The following NBEAL1 variants were observed in gnomAD, a reference collection of about 807,000 sequenced individuals.
NBEAL1 encodes neurobeachin-like protein 1.
In NBEAL1, 273 loss-of-function variants were observed where a neutral mutation model predicts 351.3. That is an observed-to-expected ratio of 0.78 (90% CI 0.70 to 0.86). The LOEUF (loss-of-function observed/expected upper bound fraction) is 0.86, where lower values mean the gene tolerates loss of function less well. Ranked by LOEUF, NBEAL1 falls within the 40% of genes least tolerant of loss-of-function variation. The pLI is 0.00. For synonymous variants in NBEAL1, 1,050 were observed against 1,086.4 expected (o/e 0.97, Z 0.66); for missense variants, 2,961 against 3,201.3 (o/e 0.92, Z 1.81).
At chr2:203,181,401 T>C (rs2064713707) in intron 43 of NBEAL1, 1 of 152,176 alleles carries the variant, frequency 6.6e-6, no homozygotes, top group Non-Finnish European at 1.5e-5. Flanking sequence ...GTAGGCAAAT[T>C]AAAATGACAG....
chr2:203,197,995 TTA>T (rs1282878431), intron 48 of NBEAL1, among the ~76,000 whole-genome samples: 2 of 149,984 alleles, frequency 1.3e-5, no homozygotes, highest in Admixed American at 6.6e-5. Flanking sequence ...ATTTCAATCC[TTA>T]TATATATATT....
intron 21 of NBEAL1, 28 bp from the exon 22 acceptor site, chr2:203,126,529 T>C: frequency 7.0e-7 from 1 of 1,420,248 alleles, no homozygotes; most frequent in Non-Finnish European, 9.2e-7. Context: ...AACTGAACTA[T>C]ATGAAACCCT....
intron 4 of NBEAL1, among the ~76,000 whole-genome samples, chr2:203,055,209 A>G (rs1305530823): frequency 6.6e-6 from 1 of 152,188 alleles, no homozygotes; most frequent in African/African-American, 2.4e-5. Context: ...TTAGTCCACT[A>G]TTATTGGAAG....
At chr2:203,125,584 T>C (rs1251986537) in intron 20 of NBEAL1, 64 bp downstream of exon 20, 1 of 1,315,064 alleles carries the variant, frequency 7.6e-7, no homozygotes, top group East Asian at 2.9e-5. Context: ...GAGAAATAAA[T>C]GAAAATGTTT....
chr2:203,057,456 A>G lies in NBEAL1; in HGVS notation c.515+3A>G. The G allele has an allele frequency of 1.3e-6, 2 of 1,545,634 alleles. No individual in the cohort carries two copies. The highest frequency in any genetic ancestry group is 1.7e-6 in the Non-Finnish European group (2 of 1,143,582). Reference sequence around the variant, plus strand: ...AATTGGAGACATAGAATTTCAGGGTATGTCTTATAAATAATAACGTTCATT... The same window carrying G: ...AATTGGAGACATAGAATTTCAGGGTGTGTCTTATAAATAATAACGTTCATT... On this transcript the variant is annotated splice_donor_region_variant and intron_variant, in intron 6 of 55. Coordinates refer to ENST00000683969, the MANE Select transcript of NBEAL1 (RefSeq NM_001378026.1).
intron 10 of NBEAL1, among the ~76,000 whole-genome samples, chr2:203,090,931 G>A (rs940430322): frequency 2.0e-5 from 3 of 151,828 alleles, no homozygotes; most frequent in African/African-American, 7.3e-5. Flanking sequence ...AAGGGAAAAG[G>A]AAAGGGAAAG....
chr2:203,120,705 A>T (rs1031621270), intron 18 of NBEAL1, among the ~76,000 whole-genome samples: 3 of 152,166 alleles, frequency 2.0e-5, no homozygotes, highest in African/African-American at 7.2e-5. Flanking sequence ...ATATTATCGG[A>T]TTCGCATTTT....
At chr2:203,037,722 A>C (rs1418319493) in intron 2 of NBEAL1, among the ~76,000 whole-genome samples, 1 of 148,872 alleles carries the variant, frequency 6.7e-6, no homozygotes, top group East Asian at 1.9e-4. Flanking sequence ...TAATCCCAGC[A>C]CTTTGGGAGG....
At chr2:203,025,962 T>A (rs2060849706) in intron 2 of NBEAL1, among the ~76,000 whole-genome samples, 1 of 152,146 alleles carries the variant, frequency 6.6e-6, no homozygotes, top group South Asian at 2.1e-4. Flanking sequence ...ACTGAGCAGC[T>A]CTCTCAGCAG....
chr2:203,197,627 G>T (rs1184410192), intron 48 of NBEAL1, among the ~76,000 whole-genome samples: 1 of 152,114 alleles, frequency 6.6e-6, no homozygotes, highest in Admixed American at 6.6e-5. Flanking sequence ...ATAAAAATAG[G>T]CTGGGCACAG....
intron 42 of NBEAL1, among the ~76,000 whole-genome samples, chr2:203,176,766 C>A (rs1234341829): frequency 2.0e-5 from 3 of 150,190 alleles, no homozygotes; most frequent in African/African-American, 7.3e-5. Context: ...ATAACTAGGT[C>A]TTTTCAGCTT....
chr2:203,166,300 G>A lies in NBEAL1; in HGVS notation c.5863+3G>A. The A allele has an allele frequency of 6.3e-7, 1 of 1,595,232 alleles. No homozygotes were observed. The stretch of plus-strand genomic sequence containing the variant: ...TGGCAGCATTGAAAAAGAAGATGGT[G>A]AGGAGTTCTGGAAAAAATAATTTTT... On this transcript the variant is annotated splice_donor_region_variant and intron_variant, in intron 37 of 55. Transcript: ENST00000683969.
At chr2:203,094,924 C>G (rs1414503842) in intron 10 of NBEAL1, among the ~76,000 whole-genome samples, 1 of 152,080 alleles carries the variant, frequency 6.6e-6, no homozygotes, top group African/African-American at 2.4e-5. Context: ...GAGTTCTAGA[C>G]CAGCCTGACC....
chr2:203,065,879 T>C (rs2061576969), intron 6 of NBEAL1, among the ~76,000 whole-genome samples: 1 of 152,248 alleles, frequency 6.6e-6, no homozygotes, highest in African/African-American at 2.4e-5. Context: ...AAATGCTAGA[T>C]GCTTGGCCCA....
intron 2 of NBEAL1, chr2:203,040,594 A>C (rs1191553504): frequency 1.5e-6 from 1 of 677,180 alleles, no homozygotes. Flanking sequence ...GGTCAAGAAT[A>C]AGACCATCCC....
intron 17 of NBEAL1, among the ~76,000 whole-genome samples, chr2:203,115,278 G>A (rs1409902133): frequency 6.6e-6 from 1 of 150,468 alleles, no homozygotes; most frequent in Non-Finnish European, 1.5e-5. Flanking sequence ...CTGCCACCAC[G>A]CCCAGCTAAT....
At chr2:203,165,201 G>T (rs1432677277) in intron 36 of NBEAL1, among the ~76,000 whole-genome samples, 1 of 152,046 alleles carries the variant, frequency 6.6e-6, no homozygotes, top group Non-Finnish European at 1.5e-5. Flanking sequence ...AAGTCACCTA[G>T]GCCACCAAAA....
intron 36 of NBEAL1, among the ~76,000 whole-genome samples, chr2:203,161,992 G>A (rs965019246): frequency 4.0e-5 from 6 of 150,750 alleles, no homozygotes; most frequent in African/African-American, 1.2e-4. Context: ...GAGTTTTGGG[G>A]GTTTTGTTTT....
intron 2 of NBEAL1, among the ~76,000 whole-genome samples, chr2:203,027,588 T>C (rs2106007764): frequency 6.6e-6 from 1 of 152,372 alleles, no homozygotes; most frequent in Middle Eastern, 3.4e-3. Flanking sequence ...GTGTAATTTA[T>C]GATGCCACTG....
Sources: gnomAD v4.1 joint callset for allele counts (sites outside exome capture counted in the v4.1 genomes callset) on GRCh38, gnomAD v4.1.1 for gene constraint, MANE v1.5 for transcripts, NCBI Gene and HGNC (gene_info 2026-07-23, HGNC 2026-07-21) for gene names.